The following ARPP21 variants were observed in gnomAD, a reference collection of about 807,000 sequenced individuals.
ARPP21 encodes the protein cAMP-regulated phosphoprotein 21.
ARPP21 carries 69 observed loss-of-function variants against 113.2 expected under a neutral mutation model. The ratio of observed to expected loss-of-function variants is 0.61; its 90% CI spans 0.50 to 0.74. The LOEUF (loss-of-function observed/expected upper bound fraction) is 0.74. Ranked by LOEUF, ARPP21 falls within the 30% of genes least tolerant of loss-of-function variation. ARPP21 has a pLI of 0.00. For missense variants in ARPP21, 1,070 were observed against 1,037.4 expected (o/e 1.03, Z -0.43); for synonymous variants, 368 against 375.5 (o/e 0.98, Z 0.23).
intron 9 of ARPP21, among the ~76,000 whole-genome samples, chr3:35,693,845 T>G (rs1285597686): frequency 6.6e-6 from 1 of 151,606 alleles, no homozygotes; most frequent in African/African-American, 2.4e-5. Context: ...GAGTTTTGTG[T>G]TTGGGGAATA....
At chr3:35,650,587 AG>A (rs1461176980) in intron 1 of ARPP21, 1 of 152,162 alleles carries the variant, frequency 6.6e-6, no homozygotes, top group African/African-American at 2.4e-5. Flanking sequence ...CTTTGAGGGT[AG>A]AAAAATATTG....
chr3:35,766,813 G>T (rs1199090227), intron 19 of ARPP21, among the ~76,000 whole-genome samples: 1 of 151,670 alleles, frequency 6.6e-6, no homozygotes, highest in Non-Finnish European at 1.5e-5. Flanking sequence ...ATACAATTAA[G>T]AAGCTCATAT....
intron 6 of ARPP21, among the ~76,000 whole-genome samples, chr3:35,688,127 C>G (rs1447687813): frequency 1.3e-5 from 2 of 151,500 alleles, no homozygotes; most frequent in Non-Finnish European, 3.0e-5. Context: ...ACATTTTAAT[C>G]TTCTGTTTTC....
Position 35,794,394 on chromosome 3 carries a change from G to T in ARPP21, c.*436G>T. The stretch of plus-strand genomic sequence containing the variant: ...AGGAATAATTTATATACATTATAGA[G>T]TTTTCTTTTTTAATGGATATATACT... On this transcript the variant is annotated 3_prime_UTR_variant, in exon 21 of 21. Coordinates refer to ENST00000684406, the MANE Select transcript of ARPP21 (RefSeq NM_001385562.1). 1 of 178,444 alleles carries T rather than the reference G, an allele frequency of 5.6e-6. No homozygotes were observed. Among genetic ancestry groups the T allele is most frequent in the Non-Finnish European group, 1.2e-5 (1 of 82,616 alleles). 11.1% of individuals were successfully genotyped at this position (178,444 alleles called of 1,614,324 possible).
intron 1 of ARPP21, among the ~76,000 whole-genome samples, chr3:35,664,975 G>T (rs1709562840): frequency 6.6e-6 from 1 of 152,154 alleles, no homozygotes; most frequent in Admixed American, 6.5e-5. Flanking sequence ...ATTCAAGTGA[G>T]ACTTCTCCAA....
chr3:35,682,808 G>GTTTTA lies in ARPP21; in HGVS notation c.130-30_130-26dup, dbSNP rs376269594. ...GTTGATTTACTGTTCGTTTTTGTTT[G>GTTTTA]TTTTATTTTATTTTGTTTTATTTTC... On this transcript the variant is annotated intron_variant, in intron 3 of 20. Transcript: ENST00000684406. The GTTTTA allele has an allele frequency of 7.4e-5, 116 of 1,575,930 alleles. No homozygotes were observed. The African/African-American group carries it at 1.4e-3, about 19-fold the overall frequency.
chr3:35,677,068 A>G (rs2077685874), intron 1 of ARPP21, among the ~76,000 whole-genome samples: 1 of 151,990 alleles, frequency 6.6e-6, no homozygotes, highest in African/African-American at 2.4e-5. Flanking sequence ...TAAAGTACCC[A>G]TTGCTAATTT....
At chr3:35,766,062 A>G (rs1200363071) in intron 19 of ARPP21, among the ~76,000 whole-genome samples, 3 of 152,146 alleles carry the variant, frequency 2.0e-5, no homozygotes, top group Non-Finnish European at 1.5e-5. Flanking sequence ...AACTATTCTA[A>G]GTACCCCCTC....
chr3:35,704,196 C>T (rs977067048), intron 9 of ARPP21, among the ~76,000 whole-genome samples: 3 of 151,454 alleles, frequency 2.0e-5, no homozygotes, highest in African/African-American at 7.3e-5. Context: ...TGAGAAAAAC[C>T]TAAGGTGTTT....
intron 19 of ARPP21, among the ~76,000 whole-genome samples, chr3:35,777,422 G>T (rs1159044132): frequency 6.6e-6 from 1 of 152,150 alleles, no homozygotes; most frequent in Non-Finnish European, 1.5e-5. Flanking sequence ...AGAGTCAGTG[G>T]TTGGAAGAAC....
At chr3:35,787,891 T>C (rs568757307) in intron 19 of ARPP21, among the ~76,000 whole-genome samples, 10 of 152,290 alleles carry the variant, frequency 6.6e-5, no homozygotes, top group Non-Finnish European at 1.5e-4. Context: ...AAATTTTAGC[T>C]ACAATTCCTC....
At chr3:35,762,131 C>CAT (rs1469051018) in intron 19 of ARPP21, among the ~76,000 whole-genome samples, 55 of 141,196 alleles carry the variant, frequency 3.9e-4, no homozygotes, top group African/African-American at 1.5e-3. Context: ...CTCTCTCACA[C>CAT]ACACACACAC....
intron 1 of ARPP21, among the ~76,000 whole-genome samples, chr3:35,667,523 G>A (rs963571248): frequency 1.3e-5 from 2 of 151,888 alleles, no homozygotes; most frequent in African/African-American, 4.8e-5. Context: ...TGTGAGAGAG[G>A]GTTAAGTCAC....
chr3:35,667,948 AAAGAAGAAGAAGAAG>A (rs4025938), intron 1 of ARPP21, among the ~76,000 whole-genome samples: 5,410 of 57,994 alleles, frequency 0.093, 263 homozygotes, highest in East Asian at 0.12. Context: ...GAGAAGAAGA[AAAGAAGAAGAAGAAG>A]AAGAAGAAGA....
chr3:35,709,107 C>T (rs1266140979), intron 11 of ARPP21, 37 bp downstream of exon 11: 2 of 1,401,234 alleles, frequency 1.4e-6, no homozygotes. Context: ...TAGTGCGCTC[C>T]TTCCAACAGC....
In ARPP21 at chr3:35,793,854, C is replaced by A; in HGVS notation, c.2440C>A (p.Leu814Met). The A allele has an allele frequency of 6.2e-7, 1 of 1,614,198 alleles. No individual in the cohort carries two copies. Among genetic ancestry groups the A allele is most frequent in the Non-Finnish European group, 8.5e-7 (1 of 1,180,026 alleles). Residue 814 changes from leucine (L) to methionine (M), a missense_variant, in exon 21 of 21, where the codon CTG becomes ATG. Leu to Met is a conservative substitution (Grantham distance 15). Coordinates refer to ENST00000684406, the MANE Select transcript of ARPP21 (RefSeq NM_001385562.1). ...TPPTPQNNLR[L>M]IGPHCPSSTV... ...GCCCACCCCTCAGAACAACCTTAGGCTGATTGGCCCACACTGCCCCTCCAG... is the reference window on the plus strand; with the variant it reads ...GCCCACCCCTCAGAACAACCTTAGGATGATTGGCCCACACTGCCCCTCCAG...
intron 1 of ARPP21, among the ~76,000 whole-genome samples, chr3:35,641,220 G>A (rs1030339380): frequency 2.0e-5 from 3 of 151,570 alleles, no homozygotes; most frequent in Non-Finnish European, 2.9e-5. Flanking sequence ...TTTGATGTTT[G>A]ATTTTCTACC....
chr3:35,652,131 A>G (rs1702646132), intron 1 of ARPP21, among the ~76,000 whole-genome samples: 1 of 152,080 alleles, frequency 6.6e-6, no homozygotes, highest in Admixed American at 6.6e-5. Flanking sequence ...TCCATGCAGT[A>G]TTTTATAATC....
At chr3:35,683,232 A>T (rs753069751) in intron 4 of ARPP21, among the ~76,000 whole-genome samples, 1 of 151,714 alleles carries the variant, frequency 6.6e-6, no homozygotes, top group African/African-American at 2.4e-5. Flanking sequence ...TACAAAACAA[A>T]TGACCATTTG....
Sources: gnomAD v4.1 joint callset for allele counts (sites outside exome capture counted in the v4.1 genomes callset) on GRCh38, gnomAD v4.1.1 for gene constraint, MANE v1.5 for transcripts, NCBI Gene and HGNC (gene_info 2026-07-23, HGNC 2026-07-21) for gene names.